Variants in SHLD1 observed in about 807,000 individuals in gnomAD.
SHLD1 encodes RINN1-REV7-interacting novel NHEJ regulator 3.
Under a neutral mutation model 5.5 loss-of-function variants are expected in SHLD1, and 3 were observed. The observed-to-expected ratio is 0.54, with a 90% CI of 0.25 to 1.40. The LOEUF (loss-of-function observed/expected upper bound fraction) is 1.40, where lower values mean the gene tolerates loss of function less well. Among genes scored for constraint, SHLD1 ranks in the 40% most tolerant of loss-of-function variants. The probability of loss-of-function intolerance (pLI) is 0.15; values close to 1 mark genes in which losing one functional copy is unlikely to be tolerated. For missense variants in SHLD1, 210 were observed against 244.4 expected (o/e 0.86, Z 0.94); for synonymous variants, 92 against 94.3 (o/e 0.98, Z 0.14).
chr20:5,762,846 G>T (rs149526644), intron 1 of SHLD1, among the ~76,000 whole-genome samples: 1 of 151,852 alleles, frequency 6.6e-6, no homozygotes, highest in African/African-American at 2.4e-5. Context: ...GGTAGTGCGC[G>T]CCTGTAGTCC....
chr20:5,857,528 G>T (rs1277010530), intron 2 of SHLD1, among the ~76,000 whole-genome samples: 1 of 152,068 alleles, frequency 6.6e-6, no homozygotes, highest in Non-Finnish European at 1.5e-5. Flanking sequence ...TTAAGTCTTG[G>T]TCAGGTGCTG....
intron 1 of SHLD1, among the ~76,000 whole-genome samples, chr20:5,771,144 A>G (rs1318493578): frequency 6.6e-6 from 1 of 152,200 alleles, no homozygotes; most frequent in Admixed American, 6.5e-5. Context: ...CAGCGTTGCC[A>G]CAGAGTACCA....
intron 2 of SHLD1, among the ~76,000 whole-genome samples, chr20:5,792,389 G>A (rs1255378923): frequency 6.6e-6 from 1 of 151,908 alleles, no homozygotes; most frequent in African/African-American, 2.4e-5. Context: ...ATAAGGTTTT[G>A]AGTTTGTTCT....
Position 5,845,094 on chromosome 20 carries a change from A to G in SHLD1, c.179-17930A>G, listed in dbSNP as rs1352637671. Among the ~76,000 whole-genome samples, 4 of 152,212 alleles carry G rather than the reference A, an allele frequency of 2.6e-5. No individual in the cohort carries two copies. The East Asian group carries it at 5.8e-4, about 22-fold the overall frequency. On this transcript the variant is annotated intron_variant, in intron 2 of 2. Coordinates refer to ENST00000303142, the MANE Select transcript of SHLD1 (RefSeq NM_152504.4). ...CTTACAGGCATGAGCCACCGTGCCC[A>G]GCCAGACATATATTAATAGAAGCAT...
intron 2 of SHLD1, among the ~76,000 whole-genome samples, chr20:5,843,085 A>G (rs148207156): frequency 6.6e-6 from 1 of 152,286 alleles, no homozygotes; most frequent in Admixed American, 6.5e-5. Context: ...CTCATGTTCA[A>G]TGGAACTCTG....
chr20:5,839,256 C>T (rs60067488), intron 2 of SHLD1, among the ~76,000 whole-genome samples: 7,459 of 152,254 alleles, frequency 0.049, 598 homozygotes, highest in African/African-American at 0.17. Context: ...AGGATTTCTG[C>T]TCAAAATTAT....
intron 2 of SHLD1, among the ~76,000 whole-genome samples, chr20:5,801,709 A>C (rs2087296854): frequency 6.6e-6 from 1 of 152,206 alleles, no homozygotes; most frequent in Admixed American, 6.5e-5. Flanking sequence ...AAGATATAGC[A>C]GGGAGGAGAG....
chr20:5,788,586 A>G (rs2087094373), intron 2 of SHLD1, among the ~76,000 whole-genome samples: 1 of 152,164 alleles, frequency 6.6e-6, no homozygotes, highest in Non-Finnish European at 1.5e-5. Flanking sequence ...CCTTACTGAG[A>G]AAAAGAATTT....
At chr20:5,858,453 G>A (rs1279564778) in intron 2 of SHLD1, among the ~76,000 whole-genome samples, 1 of 152,142 alleles carries the variant, frequency 6.6e-6, no homozygotes, top group Non-Finnish European at 1.5e-5. Flanking sequence ...TTAATCTCAA[G>A]TGCTCCATGC....
chr20:5,850,670 C>T (rs2087997414), intron 2 of SHLD1, among the ~76,000 whole-genome samples: 1 of 151,908 alleles, frequency 6.6e-6, no homozygotes, highest in Non-Finnish European at 1.5e-5. Flanking sequence ...GCCACCACAC[C>T]CAGCTAATTT....
intron 2 of SHLD1, among the ~76,000 whole-genome samples, chr20:5,824,523 CTGGCATACAG>C (rs1283015733): frequency 6.6e-6 from 1 of 152,070 alleles, no homozygotes; most frequent in Non-Finnish European, 1.5e-5. Flanking sequence ...TAGAATAAGC[CTGGCATACAG>C]TAGCTGCTCA....
chr20:5,824,088 T>A (rs947339409), intron 2 of SHLD1, among the ~76,000 whole-genome samples: 1 of 152,218 alleles, frequency 6.6e-6, no homozygotes, highest in African/African-American at 2.4e-5. Context: ...CCATCAGCTC[T>A]CTGGGCCCCA....
chr20:5,757,867 T>C (rs772764946), intron 1 of SHLD1, among the ~76,000 whole-genome samples: 2 of 152,208 alleles, frequency 1.3e-5, no homozygotes, highest in Non-Finnish European at 2.9e-5. Flanking sequence ...CCTCCCAAAG[T>C]ACTGGGATTA....
chr20:5,845,874 A>G (rs955144054), intron 2 of SHLD1, among the ~76,000 whole-genome samples: 32 of 152,220 alleles, frequency 2.1e-4, no homozygotes, highest in African/African-American at 7.7e-4. Context: ...GTCATTTTAC[A>G]AATAAGAGCT....
chr20:5,772,932 G>A lies in SHLD1; in HGVS notation c.67G>A (p.Ala23Thr), dbSNP rs1985247391. The change falls in exon 2 of 3, where the codon GCG becomes ACG. Residue 23 changes from alanine to threonine, a missense_variant. Ala to Thr is a moderately conservative substitution (Grantham distance 58). Coordinates refer to ENST00000303142, the MANE Select transcript of SHLD1 (RefSeq NM_152504.4). ...GAGCAGTGCTTTGGACCTGCCATCAGCGTGTGACATAAGAGATTACGTCCT... is the reference window on the plus strand; with the variant it reads ...GAGCAGTGCTTTGGACCTGCCATCAACGTGTGACATAAGAGATTACGTCCT... ...EESSALDLPS[A>T]CDIRDYVLQG... The A allele has an allele frequency of 6.2e-7, 1 of 1,614,024 alleles. No individual in the cohort carries two copies. The highest frequency in any genetic ancestry group is 1.3e-5 in the African/African-American group (1 of 74,926).
chr20:5,765,440 G>C (rs1162016195), intron 1 of SHLD1, among the ~76,000 whole-genome samples: 1 of 151,870 alleles, frequency 6.6e-6, no homozygotes, highest in African/African-American at 2.4e-5. Context: ...GTAGAGACGG[G>C]GGTTTCACCA....
chr20:5,763,221 G>A (rs144325176), intron 1 of SHLD1, among the ~76,000 whole-genome samples: 9 of 144,262 alleles, frequency 6.2e-5, no homozygotes, highest in South Asian at 2.2e-4. Flanking sequence ...CAGGAGAATC[G>A]CTTGAACCTG....
intron 2 of SHLD1, among the ~76,000 whole-genome samples, chr20:5,815,685 C>T (rs1347991610): frequency 6.6e-6 from 1 of 152,194 alleles, no homozygotes. Context: ...TCATAAGGTT[C>T]CCCATAACCA....
chr20:5,774,909 T>G (rs944825703), intron 2 of SHLD1, among the ~76,000 whole-genome samples: 3 of 152,190 alleles, frequency 2.0e-5, no homozygotes, highest in African/African-American at 7.2e-5. Flanking sequence ...AACCTTCCCT[T>G]TTTTCCCTGC....
Sources: allele counts gnomAD v4.1 joint callset (sites outside exome capture counted in the v4.1 genomes callset), GRCh38; gene constraint gnomAD v4.1.1; transcripts MANE v1.5; gene names NCBI Gene and HGNC (gene_info 2026-07-23, HGNC 2026-07-21).